Variants in ZBTB40 observed in about 807,000 individuals in gnomAD.
The protein encoded by ZBTB40 is zinc finger and BTB domain-containing protein 40.
ZBTB40 carries 60 observed loss-of-function variants against 117.5 expected under a neutral mutation model. The ratio of observed to expected loss-of-function variants is 0.51; its 90% CI spans 0.41 to 0.63. The LOEUF (loss-of-function observed/expected upper bound fraction) is 0.63. Among genes scored for constraint, ZBTB40 ranks in the 30% least tolerant of loss-of-function variants. The probability of loss-of-function intolerance (pLI) is 0.00; values close to 1 mark genes in which losing one functional copy is unlikely to be tolerated. For missense variants in ZBTB40, 1,287 were observed against 1,498.5 expected (o/e 0.86, Z 2.33); for synonymous variants, 525 against 577.1 (o/e 0.91, Z 1.29).
intron 1 of ZBTB40, among the ~76,000 whole-genome samples, chr1:22,485,994 T>TA (rs35098700): frequency 4.2e-4 from 62 of 148,822 alleles, no homozygotes; most frequent in African/African-American, 7.6e-4. Context: ...ATCATAGTCT[T>TA]AAAAAAAAAA....
intron 1 of ZBTB40, among the ~76,000 whole-genome samples, chr1:22,431,748 A>AT (rs397791578): frequency 1.5e-4 from 23 of 150,482 alleles, no homozygotes; most frequent in South Asian, 4.2e-4. Context: ...AAAAAAAAAA[A>AT]TTTTTGCTGA....
upstream of ZBTB40, among the ~76,000 whole-genome samples, chr1:22,450,587 GAC>G (rs1356776550): frequency 1.3e-5 from 2 of 152,216 alleles, no homozygotes; most frequent in African/African-American, 4.8e-5. Context: ...GCATGACAAT[GAC>G]AGTGAAAACA....
intron 1 of ZBTB40, among the ~76,000 whole-genome samples, chr1:22,472,483 G>A (rs1641435922): frequency 6.6e-6 from 1 of 152,188 alleles, no homozygotes; most frequent in Admixed American, 6.5e-5. Context: ...ACTCTGTCCA[G>A]CCTCATATTG....
At position 22,527,677 on chromosome 1, in the gene ZBTB40, G is replaced by A. The variant is rs1399282006; in HGVS notation, c.*1281G>A. On this transcript the variant is annotated 3_prime_UTR_variant, in exon 18 of 18. Coordinates refer to ENST00000375647, the MANE Select transcript of ZBTB40 (RefSeq NM_014870.4). ...CCCCTGTGGAGGGGAGTGCCTGGTT[G>A]GATCCCACACTGGCAGAGATGGGGC... is the stretch of plus-strand genomic sequence containing the variant. 1.3e-5 allele frequency: 2 copies of A among 152,420 alleles called. No homozygotes were observed. The highest frequency in any genetic ancestry group is 4.8e-5 in the African/African-American group (2 of 41,474). The allele number at this position is 152,420 out of a possible 1,614,324, so 9.4% of individuals were successfully genotyped here.
intron 3 of ZBTB40, among the ~76,000 whole-genome samples, chr1:22,498,913 TAGC>T (rs959834628): frequency 2.0e-5 from 3 of 152,328 alleles, no homozygotes; most frequent in African/African-American, 7.2e-5. Flanking sequence ...CTGAGGGTAT[TAGC>T]AGCAAGTGGC....
intron 1 of ZBTB40, among the ~76,000 whole-genome samples, chr1:22,444,715 CA>C (rs1008829242): frequency 4.6e-5 from 7 of 152,206 alleles, no homozygotes; most frequent in African/African-American, 1.7e-4. Context: ...CTCATGCAGA[CA>C]GCCCACCCCA....
chr1:22,470,637 G>A (rs1557489978), intron 1 of ZBTB40, among the ~76,000 whole-genome samples: 2 of 152,186 alleles, frequency 1.3e-5, no homozygotes. Context: ...TGAAAAATTA[G>A]CACATGGTCA....
chr1:22,450,301 GTGTT>G (rs376546153), upstream of ZBTB40, among the ~76,000 whole-genome samples: 55 of 152,272 alleles, frequency 3.6e-4, no homozygotes, highest in South Asian at 6.2e-4. Flanking sequence ...ACCCTTCTAG[GTGTT>G]TGTTTGCTAA....
In ZBTB40 at chr1:22,451,858, A is replaced by AT. The variant is rs564593261; in HGVS notation, c.-214dup. 6.6e-6 allele frequency: 1 copy of AT among 152,046 alleles called. No homozygotes were observed. The highest frequency in any genetic ancestry group is 1.5e-5 in the Non-Finnish European group (1 of 68,018). 9.4% of individuals were successfully genotyped at this position (152,046 alleles called of 1,614,324 possible). A position where few individuals can be genotyped will look rare whatever the true frequency, so the allele number is the denominator to read the frequency against. Reference sequence around the variant, plus strand: ...GGCCGCCCCCTCCCCTCTGATACCCATTGCGCGCCGGCCTCAAGATGGCCG... The same window carrying AT: ...GGCCGCCCCCTCCCCTCTGATACCCATTTGCGCGCCGGCCTCAAGATGGCCG... On this transcript the variant is annotated 5_prime_UTR_variant, in exon 1 of 18. Coordinates refer to ENST00000375647, the MANE Select transcript of ZBTB40 (RefSeq NM_014870.4).
intron 1 of ZBTB40, among the ~76,000 whole-genome samples, chr1:22,488,326 T>C (rs1328644858): frequency 1.3e-5 from 2 of 148,648 alleles, no homozygotes; most frequent in Admixed American, 6.7e-5. Flanking sequence ...AATAAAAATA[T>C]AGTATGTCAG....
chr1:22,428,957 G>T (rs1304491672), exon 1 of ZBTB40, among the ~76,000 whole-genome samples: 2 of 152,212 alleles, frequency 1.3e-5, no homozygotes, highest in Admixed American at 1.3e-4. Flanking sequence ...TGGATTGAAA[G>T]GTCAGAGCCA....
chr1:22,507,599 C>T (rs532015380), intron 6 of ZBTB40, among the ~76,000 whole-genome samples: 2 of 152,260 alleles, frequency 1.3e-5, no homozygotes, highest in South Asian at 2.1e-4. Flanking sequence ...AGAAAAACCA[C>T]GGGTCAGCTT....
chr1:22,507,255 A>G (rs887450455), intron 6 of ZBTB40, among the ~76,000 whole-genome samples: 1 of 152,168 alleles, frequency 6.6e-6, no homozygotes, highest in Non-Finnish European at 1.5e-5. Flanking sequence ...TACCTATCAC[A>G]TTCGTTTTTG....
chr1:22,488,796 G>T (rs1159901076), intron 1 of ZBTB40, among the ~76,000 whole-genome samples: 3 of 152,216 alleles, frequency 2.0e-5, no homozygotes, highest in Non-Finnish European at 4.4e-5. Flanking sequence ...GTTGAAGATA[G>T]GATGAGGTAG....
chr1:22,511,378 C>T (rs1181664739), intron 10 of ZBTB40, 31 bp downstream of exon 10: 1 of 1,611,768 alleles, frequency 6.2e-7, no homozygotes, highest in Admixed American at 1.7e-5. Flanking sequence ...GAAGGGGGTT[C>T]CTATCAGCAC....
In ZBTB40 at chr1:22,468,465, C is replaced by CT. The variant is rs555995462; in HGVS notation, c.-70+16488dup. On this transcript the variant is annotated intron_variant, in intron 1 of 17. Transcript: ENST00000375647. ...TTAAAATTTAAAATGTTAATGTTTC[C>CT]TTTTTTTTTTTTTTTTTTTTTTTTT... Among the ~76,000 whole-genome samples the CT allele has an allele frequency of 9.2e-3, 478 of 51,740 alleles. 88 individuals carry two copies. The highest frequency in any genetic ancestry group is 0.015 in the East Asian group (24 of 1,612). The allele number at this position is 51,740 out of a possible 152,430, so 33.9% of individuals were successfully genotyped here. A position where few individuals can be genotyped will look rare whatever the true frequency, so the allele number is the denominator to read the frequency against.
Position 22,512,093 on chromosome 1 carries a change from T to TGAC in ZBTB40, c.2421_2423dup (p.Thr808dup), listed in dbSNP as rs768629213. The TGAC allele has an allele frequency of 1.2e-6, 2 of 1,613,382 alleles. No homozygotes were observed. Among genetic ancestry groups the TGAC allele is most frequent in the Admixed American group, 3.3e-5 (2 of 59,972 alleles). On this transcript the variant is annotated inframe_insertion, in exon 11 of 18. Coordinates refer to ENST00000375647, the MANE Select transcript of ZBTB40 (RefSeq NM_014870.4). ...AAGAAGAAGAAGAAGAGGCTTCCAG[T>TGAC]GACATGTGACCTCTGTGGCAGAGAA...
upstream of ZBTB40, among the ~76,000 whole-genome samples, chr1:22,448,963 C>A (rs1440458410): frequency 6.6e-6 from 1 of 152,096 alleles, no homozygotes; most frequent in Non-Finnish European, 1.5e-5. Context: ...CAAGCCAGCA[C>A]CACCATGCCC....
rs747614497 is a variant in ZBTB40 at position 22,524,233 on chromosome 1, G to C, written c.3314G>C (p.Arg1105Pro). 1 of 1,614,070 alleles carries C rather than the reference G, an allele frequency of 6.2e-7. No individual in the cohort carries two copies. The highest frequency in any genetic ancestry group is 8.5e-7 in the Non-Finnish European group (1 of 1,180,032). ...KCQHSGSQPF[R>P]CLYCAATFRF... ...TCTCCTCCAGGGTCCCAGCCATTCC[G>C]GTGCTTGTACTGTGCTGCTACTTTC... The change falls in exon 17 of 18, where the codon CGG becomes CCG. Residue 1105 changes from arginine to proline, a missense_variant. Arg to Pro is a moderately radical substitution (Grantham distance 103). This residue lies in a region of ZBTB40 where 417 missense variants were observed against 564.1 expected (regional missense o/e 0.74). Transcript: ENST00000375647.
Sources: gnomAD v4.1 joint callset for allele counts (sites outside exome capture counted in the v4.1 genomes callset) on GRCh38, gnomAD v4.1.1 for gene constraint, gnomAD v4.1.1 regional missense constraint, MANE v1.5 for transcripts, NCBI Gene and HGNC (gene_info 2026-07-23, HGNC 2026-07-21) for gene names.